Variants in NOC3L observed in about 807,000 individuals in gnomAD.
NOC3L encodes NOC3 like DNA replication regulator.
NOC3L carries 85 observed loss-of-function variants against 102.5 expected under a neutral mutation model. The observed-to-expected ratio is 0.83, with a 90% CI of 0.70 to 0.99. NOC3L has a LOEUF of 0.99. NOC3L is among the 50% of genes least tolerant of loss of function. NOC3L has a pLI of 0.00. For missense variants in NOC3L, 878 were observed against 914.9 expected (o/e 0.96, Z 0.52); for synonymous variants, 303 against 309.4 (o/e 0.98, Z 0.22).
Position 94,352,228 on chromosome 10 carries a change from C to G in NOC3L, c.952+82G>C, listed in dbSNP as rs896059887. The G allele has an allele frequency of 4.2e-6, 4 of 953,318 alleles. No individual in the cohort carries two copies. In the South Asian group the frequency reaches 4.9e-5, roughly 12 times the overall value. The allele number at this position is 953,318 out of a possible 1,614,324, so 59.1% of individuals were successfully genotyped here. ...TCCTGACCATACCTGCCTCTCACTA[C>G]ACAACACAGAACACTGTACAGAATT... On this transcript the variant is annotated intron_variant, in intron 8 of 20. Transcript: ENST00000371361.
Position 94,334,624 on chromosome 10 carries a change from T to C in NOC3L, c.2274+10A>G, listed in dbSNP as rs778943845. On this transcript the variant is annotated intron_variant, in intron 20 of 20. Coordinates refer to ENST00000371361, the MANE Select transcript of NOC3L (RefSeq NM_022451.11). ...TTTCTTCCTTTAAAAAAATGAAAAA[T>C]ATCCCATACCTTTATTTTGGGGTTT... 3 of 1,598,210 alleles carry C rather than the reference T, an allele frequency of 1.9e-6. No individual in the cohort carries two copies. The South Asian group carries it at 3.4e-5, about 18-fold the overall frequency.
chr10:94,323,665 TTACTTGCTG>T, the NOC3L span, among the ~76,000 whole-genome samples: 1 of 152,208 alleles, frequency 6.6e-6, no homozygotes, highest in African/African-American at 2.4e-5. Flanking sequence ...TACTTAAGGG[TTACTTGCTG>T]TTCTTACTGT....
intron 10 of NOC3L, among the ~76,000 whole-genome samples, chr10:94,348,504 G>C (rs1490572655): frequency 6.6e-6 from 1 of 151,946 alleles, no homozygotes; most frequent in Non-Finnish European, 1.5e-5. Context: ...CTGGCACATA[G>C]CAGTTATTTA....
At chr10:94,354,617 C>T (rs1387756744) in intron 6 of NOC3L, among the ~76,000 whole-genome samples, 3 of 152,194 alleles carry the variant, frequency 2.0e-5, no homozygotes, top group Non-Finnish European at 2.9e-5. Flanking sequence ...TTTTTAAAAA[C>T]TCCACGGGTA....
At chr10:94,337,995 G>C (rs1467614654) in intron 18 of NOC3L, 121 bp from the exon 19 acceptor site, 1 of 532,132 alleles carries the variant, frequency 1.9e-6, no homozygotes, top group African/African-American at 1.9e-5. Flanking sequence ...CCTATGTACA[G>C]TATATGTAAT....
At chr10:94,336,472 C>G (rs2054219712) in intron 19 of NOC3L, among the ~76,000 whole-genome samples, 1 of 151,962 alleles carries the variant, frequency 6.6e-6, no homozygotes, top group Admixed American at 6.6e-5. Flanking sequence ...CTCAGCTTCC[C>G]AAGTAGCTGG....
chr10:94,359,215 A>C (rs2054524617), intron 2 of NOC3L, among the ~76,000 whole-genome samples: 2 of 152,144 alleles, frequency 1.3e-5, no homozygotes, highest in African/African-American at 4.8e-5. Context: ...GCTTGAGGCA[A>C]GGAGTTCAAA....
At chr10:94,326,704 G>C in the NOC3L span, among the ~76,000 whole-genome samples, 3 of 152,216 alleles carry the variant, frequency 2.0e-5, no homozygotes, top group Non-Finnish European at 2.9e-5. Flanking sequence ...GACTGGGGGA[G>C]GGTGATTGAT....
the NOC3L span, chr10:94,324,493 G>A: frequency 1.9e-6 from 3 of 1,614,100 alleles, no homozygotes; most frequent in South Asian, 2.2e-5. Flanking sequence ...TCTGGATCAG[G>A]AGTGTGTGTT....
At chr10:94,354,149 C>G (rs2054454892) in intron 6 of NOC3L, among the ~76,000 whole-genome samples, 1 of 152,206 alleles carries the variant, frequency 6.6e-6, no homozygotes, top group African/African-American at 2.4e-5. Context: ...CTTCCCCTCA[C>G]TTCATTAGAA....
the NOC3L span, chr10:94,324,460 C>A: frequency 3.1e-6 from 5 of 1,614,046 alleles, no homozygotes; most frequent in Non-Finnish European, 4.2e-6. Context: ...GACTACCACA[C>A]CAAAGTCCTC....
At chr10:94,325,844 C>CTA in the NOC3L span, among the ~76,000 whole-genome samples, 2 of 151,984 alleles carry the variant, frequency 1.3e-5, no homozygotes, top group Admixed American at 1.3e-4. Context: ...TATTACTGTT[C>CTA]TAATTTAGGT....
intron 16 of NOC3L, 116 bp downstream of exon 16, chr10:94,340,160 G>A: frequency 2.2e-6 from 2 of 908,268 alleles, no homozygotes; most frequent in Non-Finnish European, 3.3e-6. Flanking sequence ...GCATGGCACT[G>A]GAAAGTCACC....
At chr10:94,319,433 T>C in the NOC3L span, among the ~76,000 whole-genome samples, 1 of 152,194 alleles carries the variant, frequency 6.6e-6, no homozygotes, top group African/African-American at 2.4e-5. Flanking sequence ...ATAAGACATA[T>C]AAGCAGTTTG....
At position 94,334,325 on chromosome 10, in the gene NOC3L, A is replaced by T; in HGVS notation, c.2275-20T>A. 1 of 1,510,812 alleles carries T rather than the reference A, an allele frequency of 6.6e-7. No homozygotes were observed. The highest frequency in any genetic ancestry group is 9.1e-7 in the Non-Finnish European group (1 of 1,094,080). The allele number at this position is 1,510,812 out of a possible 1,614,324, so 93.6% of individuals were successfully genotyped here. A position where few individuals can be genotyped will look rare whatever the true frequency, so the allele number is the denominator to read the frequency against. On this transcript the variant is annotated intron_variant, in intron 20 of 20. Coordinates refer to ENST00000371361, the MANE Select transcript of NOC3L (RefSeq NM_022451.11). ...TTTACCCTAGGAAAATATTTAAAGT[A>T]TGAGTTAGAAGTTACTTATGCTATA... is the stretch of plus-strand genomic sequence containing the variant.
chr10:94,324,677 G>T, the NOC3L span: 1 of 1,054,930 alleles, frequency 9.5e-7, no homozygotes, highest in Non-Finnish European at 1.5e-6. Flanking sequence ...CTGAGTCAAG[G>T]AATGGAGTTA....
chr10:94,346,500 T>G lies in NOC3L; in HGVS notation c.1314A>C (p.Thr438=). The G allele has an allele frequency of 6.7e-7, 1 of 1,485,174 alleles. No individual in the cohort carries two copies. Among genetic ancestry groups the G allele is most frequent in the Non-Finnish European group, 9.1e-7 (1 of 1,102,618 alleles). 92.0% of individuals were successfully genotyped at this position (1,485,174 alleles called of 1,614,324 possible). ...ATTTTTTTGGTTTATTAATGTCTTC[T>G]GTATCTTTTTTCACTTCTACTTCCT... ...RIKEVEVKKD[T]EDINKPKKFM... The change falls in exon 11 of 21, where the codon ACA becomes ACC. Residue 438 remains threonine (T), a synonymous_variant. Coordinates refer to ENST00000371361, the MANE Select transcript of NOC3L (RefSeq NM_022451.11).
rs143258010 is a variant in NOC3L, at chr10:94,345,578, G to A, written c.1390-645C>T. ...GTTAAAGAGCTGCCATGTTCTTATTGGTCTTTGTTTCCTCACCTCATCTAT... is the reference window on the plus strand; with the variant it reads ...GTTAAAGAGCTGCCATGTTCTTATTAGTCTTTGTTTCCTCACCTCATCTAT... On this transcript the variant is annotated intron_variant, in intron 11 of 20. Coordinates refer to ENST00000371361, the MANE Select transcript of NOC3L (RefSeq NM_022451.11). Among the ~76,000 whole-genome samples, 72 of 152,158 alleles carry A rather than the reference G, an allele frequency of 4.7e-4. 1 individual carries two copies. The highest frequency in any genetic ancestry group is 1.6e-3 in the African/African-American group (68 of 41,504).
At chr10:94,344,207 T>C (rs1371422172) in intron 13 of NOC3L, among the ~76,000 whole-genome samples, 1 of 151,472 alleles carries the variant, frequency 6.6e-6, no homozygotes, top group Non-Finnish European at 1.5e-5. Context: ...AAAGAAGGAG[T>C]TGGTAAAGGA....
Sources: allele counts gnomAD v4.1 joint callset (sites outside exome capture counted in the v4.1 genomes callset), GRCh38; gene constraint gnomAD v4.1.1; transcripts MANE v1.5; gene names NCBI Gene and HGNC (gene_info 2026-07-23, HGNC 2026-07-21).